Variants in LARP1 observed in about 807,000 individuals in gnomAD.
LARP1 encodes La ribonucleoprotein 1, translational regulator.
In LARP1, 36 loss-of-function variants were observed where a neutral mutation model predicts 122.7. The observed-to-expected ratio is 0.29, with a 90% CI of 0.22 to 0.39. The LOEUF is 0.39. Ranked by LOEUF, LARP1 falls within the 10% of genes least tolerant of loss-of-function variation. The pLI, the probability that LARP1 is intolerant of heterozygous loss-of-function variation, is 1.00. For missense variants in LARP1, 1,040 were observed against 1,403.6 expected, an observed-to-expected ratio of 0.74 and a Z score of 4.14; for synonymous variants, 539 against 528.7, an observed-to-expected ratio of 1.02 and a Z score of -0.27.
Position 154,755,610 on chromosome 5 carries a change from C to G in LARP1, c.-148C>G. 1.0e-6 allele frequency: 1 copy of G among 987,454 alleles called. No individual in the cohort carries two copies. Among genetic ancestry groups the G allele is most frequent in the Non-Finnish European group, 1.2e-6 (1 of 830,130 alleles). 61.2% of individuals were successfully genotyped at this position (987,454 alleles called of 1,614,324 possible). On this transcript the variant is annotated 5_prime_UTR_variant, in exon 1 of 19. Transcript: ENST00000518297. ...CGGCTGCATCTAACTGGGAGGGGGCCGCACCTCGCGTGAACCCCGACCCTT... is the reference window on the plus strand; with the variant it reads ...CGGCTGCATCTAACTGGGAGGGGGCGGCACCTCGCGTGAACCCCGACCCTT...
chr5:154,757,859 C>T (rs1166027433), intron 1 of LARP1, among the ~76,000 whole-genome samples: 1 of 68,380 alleles, frequency 1.5e-5, no homozygotes, highest in Non-Finnish European at 2.7e-5. Flanking sequence ...CCCCCCTGCT[C>T]CCCTTCCCCC....
upstream of LARP1, among the ~76,000 whole-genome samples, chr5:154,751,213 A>G (rs1027899050): frequency 2.0e-5 from 3 of 152,152 alleles, no homozygotes; most frequent in African/African-American, 7.2e-5. Context: ...GAGTAAGAAT[A>G]AGGCCTGGCG....
intron 1 of LARP1, among the ~76,000 whole-genome samples, chr5:154,721,519 T>C (rs553096884): frequency 6.6e-6 from 1 of 152,076 alleles, no homozygotes; most frequent in South Asian, 2.1e-4. Context: ...TTTGGGGGTG[T>C]AGGGGAGGCC....
At chr5:154,782,606 C>A (rs935600957) in intron 1 of LARP1, among the ~76,000 whole-genome samples, 1 of 152,204 alleles carries the variant, frequency 6.6e-6, no homozygotes, top group Non-Finnish European at 1.5e-5. Context: ...GATGCAGACT[C>A]TGCATTCCTG....
At chr5:154,786,293 G>A (rs1035134192) in intron 1 of LARP1, among the ~76,000 whole-genome samples, 7 of 152,000 alleles carry the variant, frequency 4.6e-5, no homozygotes, top group African/African-American at 9.7e-5. Flanking sequence ...TGCCCGCCTC[G>A]GCCTCCCAAA....
In LARP1 at chr5:154,816,515, TTTTTC is replaced by T. The variant is rs1251314594; in HGVS notation, c.*2428_*2432del. 6.6e-6 allele frequency: 1 copy of T among 152,668 alleles called. No homozygotes were observed. Among genetic ancestry groups the T allele is most frequent in the African/African-American group, 2.4e-5 (1 of 41,442 alleles). 9.5% of individuals were successfully genotyped at this position (152,668 alleles called of 1,614,324 possible). ...ATCGGCTGGTGGTTGGTAGGGGAGC[TTTTTC>T]TTTTCTTTCCTTTTTTTTTGTTTTT... On this transcript the variant is annotated 3_prime_UTR_variant, in exon 19 of 19. Transcript: ENST00000518297.
rs1016581084 is a variant in LARP1 at position 154,815,662 on chromosome 5, G to C, written c.*1566G>C. The stretch of plus-strand genomic sequence containing the variant: ...CCGCCTGGGAACAAGGGATGAGGAG[G>C]AGTTGGGGGCTGGGGGGAATCCTGC... On this transcript the variant is annotated 3_prime_UTR_variant, in exon 19 of 19. Transcript: ENST00000518297. The C allele has an allele frequency of 6.5e-6, 1 of 152,780 alleles. No individual in the cohort carries two copies. The highest frequency in any genetic ancestry group is 2.4e-5 in the African/African-American group (1 of 41,476). The allele number at this position is 152,780 out of a possible 1,614,324, so 9.5% of individuals were successfully genotyped here. A position where few individuals can be genotyped will look rare whatever the true frequency, so the allele number is the denominator to read the frequency against.
At chr5:154,720,456 T>C (rs1223208142) in intron 1 of LARP1, among the ~76,000 whole-genome samples, 1 of 152,286 alleles carries the variant, frequency 6.6e-6, no homozygotes, top group South Asian at 2.1e-4. Context: ...GGCTCACACC[T>C]GTAATTCCAA....
intron 1 of LARP1, among the ~76,000 whole-genome samples, chr5:154,704,971 A>G (rs1177017776): frequency 1.3e-5 from 2 of 151,828 alleles, no homozygotes; most frequent in African/African-American, 4.8e-5. Flanking sequence ...TACAAAAATT[A>G]GCTGGGCCTG....
At chr5:154,700,759 G>A (rs1582159725) in intron 1 of LARP1, among the ~76,000 whole-genome samples, 1 of 151,742 alleles carries the variant, frequency 6.6e-6, no homozygotes, top group Non-Finnish European at 1.5e-5. Flanking sequence ...AAATAGCCGG[G>A]ATTACAGGTA....
At position 154,810,083 on chromosome 5, in the gene LARP1, G is replaced by A. The variant is rs116199238; in HGVS notation, c.2844-1164G>A. Among the ~76,000 whole-genome samples, 1,243 of 152,036 alleles carry A rather than the reference G, an allele frequency of 8.2e-3. 10 individuals are homozygous for A. The highest frequency in any genetic ancestry group is 0.029 in the African/African-American group (1,192 of 41,472). Reference sequence around the variant, plus strand: ...ATTTTTCTTAATTGCATCTCTATTCGTTGACATTTGTATTTTGCTTAATTA... The same window carrying A: ...ATTTTTCTTAATTGCATCTCTATTCATTGACATTTGTATTTTGCTTAATTA... On this transcript the variant is annotated intron_variant, in intron 16 of 18. Coordinates refer to ENST00000518297, the MANE Select transcript of LARP1 (RefSeq NM_033551.3).
Position 154,755,843 on chromosome 5 carries a change from C to T in LARP1, c.86C>T (p.Pro29Leu), listed in dbSNP as rs1375850151. ...CACGGGGGGCTGGTGAGGAAGAAGC[C>T]GCCGCCGGCGCCCGAGGGCAAGGGC... Reference protein sequence around the residue: ...EEHGGLVRKKPPPAPEGKGEP... With the variant: ...EEHGGLVRKKLPPAPEGKGEP... Residue 29 changes from proline to leucine, a missense_variant, in exon 1 of 19, where the codon CCG becomes CTG. By Grantham distance (98) the Pro-to-Leu change is moderately conservative. Around this residue, in one of 8 missense-constraint regions of LARP1, gnomAD observed 257 missense variants for 273.3 expected, o/e 0.94. Transcript: ENST00000518297. 3.0e-6 allele frequency: 3 copies of T among 1,003,672 alleles called. No homozygotes were observed. Among genetic ancestry groups the T allele is most frequent in the Non-Finnish European group, 3.6e-6 (3 of 840,592 alleles). The allele number at this position is 1,003,672 out of a possible 1,614,324, so 62.2% of individuals were successfully genotyped here. A position where few individuals can be genotyped will look rare whatever the true frequency, so the allele number is the denominator to read the frequency against.
intron 1 of LARP1, among the ~76,000 whole-genome samples, chr5:154,714,332 C>T (rs373909143): frequency 3.2e-4 from 49 of 152,226 alleles, no homozygotes; most frequent in African/African-American, 1.1e-3. Context: ...ATGATGGAAT[C>T]GTGGCTGCTT....
At chr5:154,745,952 C>A (rs1217147610) in intron 1 of LARP1, among the ~76,000 whole-genome samples, 1 of 152,070 alleles carries the variant, frequency 6.6e-6, no homozygotes, top group Non-Finnish European at 1.5e-5. Context: ...CGCGCCACCA[C>A]GCCCAGTTAA....
At chr5:154,779,095 A>G (rs963148398) in intron 1 of LARP1, among the ~76,000 whole-genome samples, 13 of 152,124 alleles carry the variant, frequency 8.5e-5, no homozygotes, top group African/African-American at 3.1e-4. Context: ...AATAATTACC[A>G]TGCATTTATG....
Position 154,787,817 on chromosome 5 carries a change from T to C in LARP1, c.437-2508T>C, listed in dbSNP as rs1757008283. On this transcript the variant is annotated intron_variant, in intron 1 of 18. Coordinates refer to ENST00000518297, the MANE Select transcript of LARP1 (RefSeq NM_033551.3). ...AATATTCATGTGTATGCTCAGACTG[T>C]TTGTATTCTCATCAGCTTGGGATTG... is the stretch of plus-strand genomic sequence containing the variant. Among the ~76,000 whole-genome samples the C allele has an allele frequency of 2.0e-5, 3 of 151,048 alleles. No homozygotes were observed. In the South Asian group the frequency reaches 6.2e-4, roughly 31 times the overall value.
intron 1 of LARP1, among the ~76,000 whole-genome samples, chr5:154,700,220 C>G (rs942670479): frequency 6.6e-6 from 1 of 152,080 alleles, no homozygotes; most frequent in Non-Finnish European, 1.5e-5. Flanking sequence ...ACAAAATGCC[C>G]AAATTTTAAA....
chr5:154,736,821 C>T (rs995799281), intron 1 of LARP1, among the ~76,000 whole-genome samples: 12 of 152,094 alleles, frequency 7.9e-5, no homozygotes, highest in Admixed American at 1.3e-4. Flanking sequence ...CCGCCTCAGC[C>T]TCCCAAAGTG....
At chr5:154,723,240 G>A (rs769040565) in intron 1 of LARP1, among the ~76,000 whole-genome samples, 3 of 152,226 alleles carry the variant, frequency 2.0e-5, no homozygotes, top group Admixed American at 1.3e-4. Context: ...CTCTAACAGG[G>A]GTTGTCAATG....
Sources: gnomAD v4.1 joint callset for allele counts (sites outside exome capture counted in the v4.1 genomes callset) on GRCh38, gnomAD v4.1.1 for gene constraint, gnomAD v4.1.1 regional missense constraint, MANE v1.5 for transcripts, NCBI Gene and HGNC (gene_info 2026-07-23, HGNC 2026-07-21) for gene names.